Variants in MEF2D observed in about 807,000 individuals in gnomAD.
MEF2D encodes the protein myocyte enhancer factor 2D.
A neutral mutation model predicts 59.3 loss-of-function variants in MEF2D; 10 were observed. The ratio of observed to expected loss-of-function variants is 0.17; its 90% CI spans 0.10 to 0.29. The LOEUF is 0.29. Ranked by LOEUF, MEF2D falls within the 10% of genes least tolerant of loss-of-function variation. MEF2D has a pLI of 1.00. For synonymous variants in MEF2D, 305 were observed against 295.0 expected (o/e 1.03, Z -0.35); for missense variants, 508 against 699.4 (o/e 0.73, Z 3.09).
At chr1:156,484,672 C>T (rs551075696) in intron 1 of MEF2D, among the ~76,000 whole-genome samples, 1 of 152,338 alleles carries the variant, frequency 6.6e-6, no homozygotes, top group African/African-American at 2.4e-5. Context: ...CTCAGGACAC[C>T]TGTAACCCCC....
rs1206855319 is a variant in MEF2D at position 156,463,972 on chromosome 1, T to G, written c.*3673A>C. 2 of 152,578 alleles carry G rather than the reference T, an allele frequency of 1.3e-5. No homozygotes were observed. Among genetic ancestry groups the G allele is most frequent in the Non-Finnish European group, 2.9e-5 (2 of 68,064 alleles). 9.5% of individuals were successfully genotyped at this position (152,578 alleles called of 1,614,324 possible). A position where few individuals can be genotyped will look rare whatever the true frequency, so the allele number is the denominator to read the frequency against. ...CCCAGGAGTGTGGGTGATTGTCAGGTGTGGGGGTGGGGCACCTCCATGGCC... is the reference window on the plus strand; with the variant it reads ...CCCAGGAGTGTGGGTGATTGTCAGGGGTGGGGGTGGGGCACCTCCATGGCC... On this transcript the variant is annotated 3_prime_UTR_variant, in exon 12 of 12. Coordinates refer to ENST00000348159, the MANE Select transcript of MEF2D (RefSeq NM_005920.4).
At chr1:156,486,948 A>G (rs1672411440) in intron 1 of MEF2D, among the ~76,000 whole-genome samples, 1 of 152,204 alleles carries the variant, frequency 6.6e-6, no homozygotes, top group South Asian at 2.1e-4. Context: ...ATGGAGCTAG[A>G]ACCCTTGCTC....
intron 9 of MEF2D, among the ~76,000 whole-genome samples, chr1:156,470,776 G>T (rs1036340624): frequency 6.6e-6 from 1 of 152,134 alleles, no homozygotes; most frequent in Non-Finnish European, 1.5e-5. Context: ...TACACAAAAA[G>T]CATGTAGAAC....
intron 1 of MEF2D, among the ~76,000 whole-genome samples, chr1:156,494,007 AGTG>A (rs1319257884): frequency 6.6e-6 from 1 of 152,160 alleles, no homozygotes; most frequent in Non-Finnish European, 1.5e-5. Flanking sequence ...TAGAGGAGGC[AGTG>A]GTGGTGGCTG....
At chr1:156,477,281 C>T (rs1231108277) in intron 6 of MEF2D, 79 bp from the exon 7 acceptor site, 6 of 1,261,546 alleles carry the variant, frequency 4.8e-6, no homozygotes, top group African/African-American at 1.5e-5. Context: ...CACACCAATA[C>T]TCCTGTTACC....
intron 8 of MEF2D, 132 bp from the exon 9 acceptor site, chr1:156,475,369 A>C: frequency 9.6e-7 from 1 of 1,038,176 alleles, no homozygotes; most frequent in Non-Finnish European, 1.4e-6. Context: ...GGAGGCCCCC[A>C]CAGATATACA....
At chr1:156,486,379 A>T (rs1325615437) in intron 1 of MEF2D, among the ~76,000 whole-genome samples, 4 of 152,188 alleles carry the variant, frequency 2.6e-5, no homozygotes, top group Non-Finnish European at 5.9e-5. Context: ...GGGCACACAG[A>T]GGGCAAGGGG....
chr1:156,491,141 T>G (rs373211162), intron 1 of MEF2D, among the ~76,000 whole-genome samples: 3 of 152,134 alleles, frequency 2.0e-5, no homozygotes, highest in Admixed American at 2.0e-4. Context: ...GGTAGGGCAA[T>G]GAACAGCTTA....
chr1:156,471,301 T>C (rs1213724792), intron 9 of MEF2D, among the ~76,000 whole-genome samples: 1 of 152,186 alleles, frequency 6.6e-6, no homozygotes, highest in Non-Finnish European at 1.5e-5. Context: ...CAGCTAATTT[T>C]TGTATTTTTA....
Position 156,475,319 on chromosome 1 carries a change from G to A in MEF2D, c.877-82C>T, listed in dbSNP as rs369018153. ...GCCCTCCATCCCAAGGCCAAGGTGG[G>A]GTTCCTGAATCCCAAAGCCAAGGCG... is the stretch of plus-strand genomic sequence containing the variant. On this transcript the variant is annotated intron_variant, in intron 8 of 11. Transcript: ENST00000348159. The A allele has an allele frequency of 6.7e-5, 98 of 1,470,602 alleles. No homozygotes were observed. In the South Asian group the frequency reaches 1.3e-3, roughly 20 times the overall value. The allele number at this position is 1,470,602 out of a possible 1,614,324, so 91.1% of individuals were successfully genotyped here. A position where few individuals can be genotyped will look rare whatever the true frequency, so the allele number is the denominator to read the frequency against.
intron 3 of MEF2D, among the ~76,000 whole-genome samples, chr1:156,481,827 C>T (rs922728174): frequency 6.6e-6 from 1 of 152,234 alleles, no homozygotes; most frequent in Non-Finnish European, 1.5e-5. Context: ...ACACAGCACC[C>T]TTCAAAGCAG....
At chr1:156,495,040 G>A (rs1387028440) in intron 1 of MEF2D, among the ~76,000 whole-genome samples, 1 of 152,088 alleles carries the variant, frequency 6.6e-6, no homozygotes, top group African/African-American at 2.4e-5. Flanking sequence ...ATCCCATGCG[G>A]CAGCTCACAG....
chr1:156,496,688 C>A (rs1466810261), intron 1 of MEF2D, among the ~76,000 whole-genome samples: 1 of 152,186 alleles, frequency 6.6e-6, no homozygotes, highest in East Asian at 1.9e-4. Flanking sequence ...CACTACCCCC[C>A]ACCTCCCGCA....
chr1:156,491,651 C>A (rs995307978), intron 1 of MEF2D, among the ~76,000 whole-genome samples: 2 of 152,206 alleles, frequency 1.3e-5, no homozygotes, highest in African/African-American at 2.4e-5. Flanking sequence ...GACCCACCTG[C>A]TTGTGGTTAC....
chr1:156,488,292 C>A, intron 1 of MEF2D, among the ~76,000 whole-genome samples: 1 of 152,192 alleles, frequency 6.6e-6, no homozygotes, highest in Non-Finnish European at 1.5e-5. Context: ...TCCCAAGGCT[C>A]AAAGAAACTA....
In MEF2D at chr1:156,463,736, C is replaced by T. The variant is rs969776572; in HGVS notation, c.*3909G>A. 2 of 152,198 alleles carry T rather than the reference C, an allele frequency of 1.3e-5. No homozygotes were observed. Among genetic ancestry groups the T allele is most frequent in the East Asian group, 1.9e-4 (1 of 5,192 alleles). The allele number at this position is 152,198 out of a possible 1,614,324, so 9.4% of individuals were successfully genotyped here. A position where few individuals can be genotyped will look rare whatever the true frequency, so the allele number is the denominator to read the frequency against. ...AAAACCCACGCCGAAGTATCAGAAA[C>T]GTGTATTCTTTTTCTTTTAATAGTA... On this transcript the variant is annotated 3_prime_UTR_variant, in exon 12 of 12. Coordinates refer to ENST00000348159, the MANE Select transcript of MEF2D (RefSeq NM_005920.4).
rs1003159164 is a variant in MEF2D at position 156,468,671 on chromosome 1, T to C, written c.1247+109A>G. ...ACAGACTGTGCAGTGCACAGCCTCATAGGATGTCCACTAGAACCCTGCAGG... is the reference window on the plus strand; with the variant it reads ...ACAGACTGTGCAGTGCACAGCCTCACAGGATGTCCACTAGAACCCTGCAGG... On this transcript the variant is annotated intron_variant, in intron 10 of 11. Transcript: ENST00000348159. The surrounding 1 kb of genome is among the most constrained non-coding windows in gnomAD (Gnocchi z 4.3). 8 of 1,499,550 alleles carry C rather than the reference T, an allele frequency of 5.3e-6. No homozygotes were observed. Among genetic ancestry groups the C allele is most frequent in the South Asian group, 2.5e-5 (2 of 79,448 alleles). The allele number at this position is 1,499,550 out of a possible 1,614,324, so 92.9% of individuals were successfully genotyped here.
chr1:156,477,336 C>A, intron 6 of MEF2D, 134 bp from the exon 7 acceptor site: 1 of 705,756 alleles, frequency 1.4e-6, no homozygotes, highest in South Asian at 1.9e-5. Flanking sequence ...GGGGGCTGAG[C>A]TATCTGATAT....
At position 156,479,364 on chromosome 1, in the gene MEF2D, C is replaced by T. The variant is rs779286533; in HGVS notation, c.608-18G>A. The T allele has an allele frequency of 1.2e-6, 2 of 1,609,846 alleles. No homozygotes were observed. The highest frequency in any genetic ancestry group is 1.7e-5 in the Admixed American group (1 of 59,172). ...CATGGCCCCTGGAGGAAAAACAGAA[C>T]CAGGATGAGCTGACAACACTCCCGC... On this transcript the variant is annotated intron_variant, in intron 5 of 11. Transcript: ENST00000348159.
Sources: allele counts gnomAD v4.1 joint callset (sites outside exome capture counted in the v4.1 genomes callset), GRCh38; gene constraint gnomAD v4.1.1; non-coding constraint Gnocchi (gnomAD v3.1); transcripts MANE v1.5; gene names NCBI Gene and HGNC (gene_info 2026-07-23, HGNC 2026-07-21).